CCDC148: variants seen among roughly 807,000 people sequenced by gnomAD.
The protein encoded by CCDC148 is coiled-coil domain containing 148, also known as coiled-coil domain-containing protein 148.
CCDC148 carries 89 observed loss-of-function variants against 85.7 expected under a neutral mutation model. The ratio of observed to expected loss-of-function variants is 1.04; its 90% CI spans 0.87 to 1.24. CCDC148 has a LOEUF of 1.24. CCDC148 is among the 50% of genes most tolerant of loss of function. The probability of loss-of-function intolerance (pLI) is 0.00; values close to 1 mark genes in which losing one functional copy is unlikely to be tolerated. For missense variants in CCDC148, 692 were observed against 671.7 expected (o/e 1.03, Z -0.33); for synonymous variants, 230 against 213.9 (o/e 1.08, Z -0.66).
chr2:158,332,044 T>A (rs564381379), intron 7 of CCDC148, among the ~76,000 whole-genome samples: 3 of 152,178 alleles, frequency 2.0e-5, no homozygotes, highest in Non-Finnish European at 4.4e-5. Flanking sequence ...TTTGATCCTG[T>A]CATTATGATG....
intron 9 of CCDC148, among the ~76,000 whole-genome samples, chr2:158,251,126 T>C (rs1688776206): frequency 6.6e-6 from 1 of 151,832 alleles, no homozygotes; most frequent in African/African-American, 2.4e-5. Context: ...AATTAAGGAA[T>C]TCTTCACCTG....
At chr2:158,455,204 A>C (rs1355263808) in intron 1 of CCDC148, among the ~76,000 whole-genome samples, 1 of 152,250 alleles carries the variant, frequency 6.6e-6, no homozygotes, top group African/African-American at 2.4e-5. Context: ...AAAAGCCGGA[A>C]GAAGTAAAAA....
intron 7 of CCDC148, among the ~76,000 whole-genome samples, chr2:158,333,215 A>C (rs1265144619): frequency 2.0e-5 from 3 of 152,016 alleles, no homozygotes; most frequent in Non-Finnish European, 4.4e-5. Flanking sequence ...ATTCTGGTAA[A>C]TTGTGTCTTT....
intron 1 of CCDC148, among the ~76,000 whole-genome samples, chr2:158,436,817 T>C (rs1687675986): frequency 6.6e-6 from 1 of 152,114 alleles, no homozygotes. Context: ...CCCACAGAAA[T>C]ACAAACTACC....
chr2:158,222,254 A>G (rs1687224269), intron 10 of CCDC148, among the ~76,000 whole-genome samples: 2 of 152,116 alleles, frequency 1.3e-5, no homozygotes, highest in Non-Finnish European at 2.9e-5. Flanking sequence ...TTTGCAGACA[A>G]TTCCTTGACC....
intron 1 of CCDC148, among the ~76,000 whole-genome samples, chr2:158,424,279 G>A (rs928994261): frequency 6.6e-6 from 1 of 152,076 alleles, no homozygotes; most frequent in African/African-American, 2.4e-5. Context: ...TATGTTTATT[G>A]CGGCACTATT....
chr2:158,231,325 C>T (rs932678114), intron 10 of CCDC148, among the ~76,000 whole-genome samples: 1 of 152,150 alleles, frequency 6.6e-6, no homozygotes, highest in Non-Finnish European at 1.5e-5. Context: ...AGAACAAATG[C>T]CACCTCCTCA....
In CCDC148 at chr2:158,456,586, T is replaced by G; in HGVS notation, c.-147A>C. The stretch of plus-strand genomic sequence containing the variant: ...CAGGGACAAACCCTACCAGGCACAG[T>G]TGGGATTGGCAGTAAGGCAAGGAAA... On this transcript the variant is annotated 5_prime_UTR_variant, in exon 1 of 14. Transcript: ENST00000283233. The G allele has an allele frequency of 2.9e-6, 3 of 1,020,400 alleles. No individual in the cohort carries two copies. Among genetic ancestry groups the G allele is most frequent in the Non-Finnish European group, 4.2e-6 (3 of 708,010 alleles). 63.2% of individuals were successfully genotyped at this position (1,020,400 alleles called of 1,614,324 possible).
chr2:158,386,684 T>C (rs1405759286), intron 1 of CCDC148, among the ~76,000 whole-genome samples: 1 of 152,132 alleles, frequency 6.6e-6, no homozygotes, highest in Non-Finnish European at 1.5e-5. Flanking sequence ...GTCTACCTCA[T>C]ACTATTCTCT....
chr2:158,358,465 G>A lies in CCDC148; in HGVS notation c.131C>T (p.Ala44Val). Residue 44 changes from alanine to valine, a missense_variant, in exon 2 of 14, where the codon GCC becomes GTC. Ala to Val is a moderately conservative substitution (Grantham distance 64). Coordinates refer to ENST00000283233, the MANE Select transcript of CCDC148 (RefSeq NM_138803.4). ...ALTEAKKLAS[A>V]SAKLKIRKAM... Reference sequence around the variant, plus strand: ...ACTTCTAACCTTTAGCTTTGCAGAGGCAGAAGCCAATTTCTTTGCTTCAGT... The same window carrying A: ...ACTTCTAACCTTTAGCTTTGCAGAGACAGAAGCCAATTTCTTTGCTTCAGT... 6.2e-7 allele frequency: 1 copy of A among 1,606,088 alleles called. No homozygotes were observed. The highest frequency in any genetic ancestry group is 8.5e-7 in the Non-Finnish European group (1 of 1,177,434).
intron 1 of CCDC148, among the ~76,000 whole-genome samples, chr2:158,413,941 G>T (rs542422428): frequency 7.9e-4 from 120 of 152,028 alleles, no homozygotes; most frequent in Non-Finnish European, 1.2e-3. Context: ...ATACCAAGAA[G>T]ATAGGAAATT....
chr2:158,243,834 T>C (rs889350967), intron 10 of CCDC148, among the ~76,000 whole-genome samples: 2 of 152,130 alleles, frequency 1.3e-5, no homozygotes, highest in African/African-American at 4.8e-5. Flanking sequence ...CTTCCTTCTA[T>C]TTATCTCTTT....
At chr2:158,268,282 G>C (rs1272070585) in intron 9 of CCDC148, among the ~76,000 whole-genome samples, 1 of 152,066 alleles carries the variant, frequency 6.6e-6, no homozygotes, top group Non-Finnish European at 1.5e-5. Flanking sequence ...TTCTGGGGGA[G>C]AGGGGTTGAT....
chr2:158,210,553 G>C (rs985290109), intron 11 of CCDC148, among the ~76,000 whole-genome samples: 4 of 151,942 alleles, frequency 2.6e-5, no homozygotes, highest in African/African-American at 9.7e-5. Context: ...ATTGACTACA[G>C]AGCTGGAAGT....
At chr2:158,205,437 G>C (rs969187929) in intron 11 of CCDC148, among the ~76,000 whole-genome samples, 1 of 152,154 alleles carries the variant, frequency 6.6e-6, no homozygotes, top group Admixed American at 6.5e-5. Flanking sequence ...CCAGACAGCT[G>C]GCTAAACATT....
At chr2:158,241,457 C>T (rs760883080) in intron 10 of CCDC148, among the ~76,000 whole-genome samples, 1 of 152,078 alleles carries the variant, frequency 6.6e-6, no homozygotes, top group Non-Finnish European at 1.5e-5. Flanking sequence ...TAAACACCTC[C>T]CTTTAAACAG....
At chr2:158,234,801 T>C (rs1332869323) in intron 10 of CCDC148, among the ~76,000 whole-genome samples, 2 of 152,208 alleles carry the variant, frequency 1.3e-5, no homozygotes, top group African/African-American at 4.8e-5. Flanking sequence ...TGATTCTAGT[T>C]AAATTAAAGT....
intron 2 of CCDC148, among the ~76,000 whole-genome samples, chr2:158,352,552 G>A (rs1683376334): frequency 6.6e-6 from 1 of 152,040 alleles, no homozygotes; most frequent in African/African-American, 2.4e-5. Context: ...AATGAGCAAA[G>A]CCTCCAAGAA....
Position 158,345,456 on chromosome 2 carries a change from A to T in CCDC148, c.148-138T>A, listed in dbSNP as rs193298593. ...CTTATTAGTGCATCTCCTAACACAA[A>T]ATCTACCTAAAATAAATTTGATTTT... is the stretch of plus-strand genomic sequence containing the variant. On this transcript the variant is annotated intron_variant, in intron 2 of 13. Coordinates refer to ENST00000283233, the MANE Select transcript of CCDC148 (RefSeq NM_138803.4). The T allele has an allele frequency of 2.8e-4, 151 of 539,468 alleles. No homozygotes were observed. In the African/African-American group the frequency reaches 2.9e-3, roughly 10 times the overall value. The allele number at this position is 539,468 out of a possible 1,614,324, so 33.4% of individuals were successfully genotyped here. A position where few individuals can be genotyped will look rare whatever the true frequency, so the allele number is the denominator to read the frequency against.
Sources: allele counts gnomAD v4.1 joint callset (sites outside exome capture counted in the v4.1 genomes callset), GRCh38; gene constraint gnomAD v4.1.1; transcripts MANE v1.5; gene names NCBI Gene and HGNC (gene_info 2026-07-23, HGNC 2026-07-21).